The following CTNNA3 variants were observed in gnomAD, a reference collection of about 807,000 sequenced individuals.
CTNNA3 encodes catenin alpha-3.
In CTNNA3, 76 loss-of-function variants were observed where a neutral mutation model predicts 95.7. The ratio of observed to expected loss-of-function variants is 0.79; its 90% CI spans 0.66 to 0.96. CTNNA3 has a LOEUF of 0.96. Among genes scored for constraint, CTNNA3 ranks in the 40% least tolerant of loss-of-function variants. The probability of loss-of-function intolerance (pLI) is 0.00; values close to 1 mark genes in which losing one functional copy is unlikely to be tolerated. For synonymous variants in CTNNA3, 431 were observed against 374.4 expected (o/e 1.15, Z -1.74); for missense variants, 1,191 against 1,089.8 (o/e 1.09, Z -1.31).
intron 5 of CTNNA3, among the ~76,000 whole-genome samples, chr10:67,515,758 G>A (rs879503726): frequency 9.2e-5 from 14 of 151,876 alleles, no homozygotes; most frequent in Non-Finnish European, 1.9e-4. Flanking sequence ...TACAGAAGAA[G>A]GAAAAAAAGA....
intron 13 of CTNNA3, among the ~76,000 whole-genome samples, chr10:66,104,150 C>A (rs2081783223): frequency 6.6e-6 from 1 of 150,804 alleles, no homozygotes; most frequent in Admixed American, 6.6e-5. Context: ...AGCTAACTTC[C>A]ATTCCTTCTT....
Position 67,760,812 on chromosome 10 carries a change from G to A in CTNNA3, c.-2+2622C>T, listed in dbSNP as rs183298849. Among the ~76,000 whole-genome samples the A allele has an allele frequency of 7.7e-3, 1,166 of 152,262 alleles. 24 individuals carry two copies. Among genetic ancestry groups the A allele is most frequent in the Admixed American group, 0.053 (810 of 15,294 alleles). ...TGTTCCTTATGAGAATCTAATGCCTGATGATCTGTCACTGCCTCCCATCAC... is the reference window on the plus strand; with the variant it reads ...TGTTCCTTATGAGAATCTAATGCCTAATGATCTGTCACTGCCTCCCATCAC... On this transcript the variant is annotated intron_variant, in intron 1 of 17. Transcript: ENST00000684154.
intron 7 of CTNNA3, among the ~76,000 whole-genome samples, chr10:67,042,575 G>T (rs1466577936): frequency 6.6e-6 from 1 of 151,998 alleles, no homozygotes; most frequent in African/African-American, 2.4e-5. Flanking sequence ...TAAGAAAAGG[G>T]CTTGATGAAA....
intron 16 of CTNNA3, among the ~76,000 whole-genome samples, chr10:65,984,703 T>G (rs866231699): frequency 6.6e-6 from 1 of 151,314 alleles, no homozygotes; most frequent in Non-Finnish European, 1.5e-5. Flanking sequence ...AAACCTTCAA[T>G]GTGACACAAT....
intron 7 of CTNNA3, among the ~76,000 whole-genome samples, chr10:67,014,988 A>C (rs923403009): frequency 6.6e-6 from 1 of 152,122 alleles, no homozygotes; most frequent in Non-Finnish European, 1.5e-5. Flanking sequence ...ACTGAAATTC[A>C]GGTAAACGTT....
intron 15 of CTNNA3, among the ~76,000 whole-genome samples, chr10:66,039,987 T>C (rs182178529): frequency 6.6e-6 from 1 of 152,210 alleles, no homozygotes; most frequent in East Asian, 1.9e-4. Context: ...TAAGCTCTAA[T>C]ATCCACCATC....
At chr10:66,860,161 T>TATA (rs1181318657) in intron 7 of CTNNA3, among the ~76,000 whole-genome samples, 1 of 151,760 alleles carries the variant, frequency 6.6e-6, no homozygotes, top group Non-Finnish European at 1.5e-5. Context: ...AAACTTTAAG[T>TATA]ATAATAATAA....
Position 66,618,248 on chromosome 10 carries a change from G to A in CTNNA3, c.1374+3444C>T, listed in dbSNP as rs568081589. ...ATGGAACCAAAAAAGAGCCCGCATC[G>A]CCAAGTCAATCCTAAGCCAAAAGAA... On this transcript the variant is annotated intron_variant, in intron 10 of 17. Transcript: ENST00000433211. Among the ~76,000 whole-genome samples, 1,010 of 151,586 alleles carry A rather than the reference G, an allele frequency of 6.7e-3. 13 individuals are homozygous for A. The highest frequency in any genetic ancestry group is 0.023 in the African/African-American group (954 of 41,276).
At chr10:66,540,471 C>G (rs1841810606) in intron 10 of CTNNA3, among the ~76,000 whole-genome samples, 1 of 152,030 alleles carries the variant, frequency 6.6e-6, no homozygotes, top group Non-Finnish European at 1.5e-5. Context: ...CTATCTTGGA[C>G]AGAAAAGAAA....
At chr10:66,479,980 C>CACACACA (rs1469514267) in intron 11 of CTNNA3, among the ~76,000 whole-genome samples, 3 of 100,532 alleles carry the variant, frequency 3.0e-5, no homozygotes, top group African/African-American at 8.4e-5. Context: ...ACACACACAC[C>CACACACA]CCAGAACTTT....
In CTNNA3 at chr10:66,132,061, TAAAC is replaced by T. The variant is rs1434504992; in HGVS notation, c.1885-28816_1885-28813del. The stretch of plus-strand genomic sequence containing the variant: ...CAAAAATTGACAAATAAGATCTACT[TAAAC>T]TAAGAGCTTCTGCACAGCAGAAGAA... On this transcript the variant is annotated intron_variant, in intron 13 of 17. Coordinates refer to ENST00000433211, the MANE Select transcript of CTNNA3 (RefSeq NM_013266.4). 5.3e-5 allele frequency among the ~76,000 whole-genome samples: 8 copies of T among 152,156 alleles called. No individual in the cohort carries two copies. The South Asian group carries it at 8.3e-4, about 16-fold the overall frequency.
At chr10:66,165,840 C>T (rs930022837) in intron 13 of CTNNA3, among the ~76,000 whole-genome samples, 1 of 152,004 alleles carries the variant, frequency 6.6e-6, no homozygotes, top group Non-Finnish European at 1.5e-5. Context: ...GCAATCTTGG[C>T]TCACTGCAAC....
chr10:66,844,538 A>G (rs1843181719), intron 7 of CTNNA3, among the ~76,000 whole-genome samples: 1 of 152,108 alleles, frequency 6.6e-6, no homozygotes, highest in African/African-American at 2.4e-5. Context: ...TCTTGTTTAA[A>G]TCTTGGGAAT....
chr10:66,101,853 G>A (rs1221581054), intron 14 of CTNNA3, among the ~76,000 whole-genome samples: 1 of 152,128 alleles, frequency 6.6e-6, no homozygotes, highest in Non-Finnish European at 1.5e-5. Context: ...CATTCTTAGG[G>A]AATAGAAATC....
At chr10:66,054,505 T>A (rs1468150192) in intron 15 of CTNNA3, among the ~76,000 whole-genome samples, 1 of 152,186 alleles carries the variant, frequency 6.6e-6, no homozygotes. Flanking sequence ...CATATACCAG[T>A]TTGCCATTTG....
At chr10:65,945,157 T>A (rs1406792824) in intron 17 of CTNNA3, among the ~76,000 whole-genome samples, 9 of 145,232 alleles carry the variant, frequency 6.2e-5, no homozygotes, top group Non-Finnish European at 5.9e-5. Context: ...TGTGTGTGTG[T>A]GTGTATATAT....
intron 5 of CTNNA3, among the ~76,000 whole-genome samples, chr10:67,296,649 C>A (rs1185781452): frequency 6.6e-6 from 1 of 152,072 alleles, no homozygotes; most frequent in African/African-American, 2.4e-5. Flanking sequence ...GGGTTCAGTG[C>A]TGGGCCGGGC....
At chr10:67,215,469 G>C (rs953194031) in intron 6 of CTNNA3, among the ~76,000 whole-genome samples, 5 of 152,222 alleles carry the variant, frequency 3.3e-5, no homozygotes, top group South Asian at 2.1e-4. Flanking sequence ...ATAAAGTGCA[G>C]AAAGAATCTG....
intron 7 of CTNNA3, among the ~76,000 whole-genome samples, chr10:66,874,961 G>A (rs1297174755): frequency 6.6e-6 from 1 of 152,134 alleles, no homozygotes; most frequent in Admixed American, 6.6e-5. Context: ...CTTTAGCCAA[G>A]GTTCACGCAA....
Sources: allele counts gnomAD v4.1 joint callset (sites outside exome capture counted in the v4.1 genomes callset), GRCh38; gene constraint gnomAD v4.1.1; transcripts MANE v1.5; gene names NCBI Gene and HGNC (gene_info 2026-07-23, HGNC 2026-07-21).